The following GPR89B variants were observed in gnomAD, a reference collection of about 807,000 sequenced individuals.
GPR89B encodes golgi pH regulator B, also known as G protein-coupled receptor 89B.
A neutral mutation model predicts 52.4 loss-of-function variants in GPR89B; 25 were observed. The ratio of observed to expected loss-of-function variants is 0.48; its 90% CI spans 0.35 to 0.67. The LOEUF (loss-of-function observed/expected upper bound fraction) is 0.67. Ranked by LOEUF, GPR89B falls within the 30% of genes least tolerant of loss-of-function variation. The pLI, the probability that GPR89B is intolerant of heterozygous loss-of-function variation, is 0.01. For synonymous variants in GPR89B, 52 were observed against 151.2 expected, an observed-to-expected ratio of 0.34 and a Z score of 4.81; for missense variants, 146 against 450.2, an observed-to-expected ratio of 0.32 and a Z score of 6.11.
intron 10 of GPR89B, among the ~76,000 whole-genome samples, chr1:147,983,569 A>T: frequency 6.6e-6 from 1 of 152,114 alleles, no homozygotes; most frequent in African/African-American, 2.4e-5. Context: ...AAAAAACACA[A>T]GAAAAAATGC....
chr1:147,970,167 G>C (rs1270212523), intron 10 of GPR89B, among the ~76,000 whole-genome samples: 1 of 151,876 alleles, frequency 6.6e-6, no homozygotes, highest in Admixed American at 6.6e-5. Flanking sequence ...TTTTTCTTCT[G>C]TCAGAAATTG....
At chr1:148,016,796 C>T in the GPR89B span, among the ~76,000 whole-genome samples, 1 of 151,214 alleles carries the variant, frequency 6.6e-6, no homozygotes, top group African/African-American at 2.4e-5. Context: ...ACTCACATTA[C>T]TCATAAATTA....
intron 10 of GPR89B, among the ~76,000 whole-genome samples, chr1:147,983,570 GA>G (rs1206363279): frequency 6.6e-6 from 1 of 152,134 alleles, no homozygotes; most frequent in African/African-American, 2.4e-5. Context: ...AAAAACACAA[GA>G]AAAAATGCTC....
the GPR89B span, among the ~76,000 whole-genome samples, chr1:148,021,362 G>A: frequency 2.0e-5 from 3 of 151,952 alleles, no homozygotes; most frequent in Admixed American, 2.0e-4. Flanking sequence ...ATTACCCGGG[G>A]GTGGTGGCTG....
chr1:147,949,522 C>T (rs1464715331), intron 5 of GPR89B, among the ~76,000 whole-genome samples: 3 of 123,102 alleles, frequency 2.4e-5, no homozygotes, highest in African/African-American at 3.4e-5. Flanking sequence ...TAGGGGCGGC[C>T]GGGCAGAGGC....
chr1:147,933,806 TTC>T (rs749963282), intron 1 of GPR89B, among the ~76,000 whole-genome samples: 1 of 152,178 alleles, frequency 6.6e-6, no homozygotes. Flanking sequence ...TCTATAATGT[TTC>T]TCTTTCTACA....
At chr1:147,997,970 T>C (rs1467509457), downstream of GPR89B, among the ~76,000 whole-genome samples, 1 of 152,192 alleles carries the variant, frequency 6.6e-6, no homozygotes, top group Non-Finnish European at 1.5e-5. Flanking sequence ...CTCTCCAACA[T>C]CTTTAAATAC....
At chr1:148,013,927 C>T in the GPR89B span, among the ~76,000 whole-genome samples, 1 of 151,694 alleles carries the variant, frequency 6.6e-6, no homozygotes, top group Non-Finnish European at 1.5e-5. Context: ...AGAGGGCGCG[C>T]GGGACCCAGG....
Position 147,974,976 on chromosome 1 carries a change from T to C in GPR89B, c.909+5017T>C, listed in dbSNP as rs1286878254. 7.2e-5 allele frequency among the ~76,000 whole-genome samples: 11 copies of C among 152,094 alleles called. 2 individuals are homozygous for C. The highest frequency in any genetic ancestry group is 2.2e-4 in the African/African-American group (9 of 41,332). On this transcript the variant is annotated intron_variant, in intron 10 of 13. Transcript: ENST00000314163. ...CTGTTTATGTGATGGATTACGTTTA[T>C]TGATTCGTGTATGTTGAACCAGTGT...
At chr1:147,970,688 T>C (rs1657402799) in intron 10 of GPR89B, among the ~76,000 whole-genome samples, 1 of 151,006 alleles carries the variant, frequency 6.6e-6, no homozygotes, top group Admixed American at 6.6e-5. Flanking sequence ...TTACTTGTCC[T>C]TTTTAATTAT....
intron 10 of GPR89B, among the ~76,000 whole-genome samples, chr1:147,981,752 A>C (rs1232364067): frequency 2.0e-5 from 3 of 151,590 alleles, no homozygotes; most frequent in Admixed American, 1.3e-4. Context: ...TCCTGGGTTC[A>C]AGCGATTCTC....
the GPR89B span, among the ~76,000 whole-genome samples, chr1:148,023,440 A>G: frequency 6.9e-6 from 1 of 144,578 alleles, no homozygotes; most frequent in Non-Finnish European, 1.5e-5. Context: ...AATGATTTAC[A>G]TTCCTTTGGG....
chr1:148,006,936 C>T, the GPR89B span, among the ~76,000 whole-genome samples: 1 of 151,266 alleles, frequency 6.6e-6, no homozygotes, highest in Non-Finnish European at 1.5e-5. Context: ...AGGCTTGTCT[C>T]GAACTCCTGA....
At chr1:147,980,840 A>G (rs1357084979) in intron 10 of GPR89B, among the ~76,000 whole-genome samples, 4 of 149,118 alleles carry the variant, frequency 2.7e-5, no homozygotes, top group African/African-American at 1.0e-4. Context: ...AAAAAAAAAA[A>G]AAAAAAGAAA....
chr1:147,950,975 G>C (rs1429773526), intron 5 of GPR89B, among the ~76,000 whole-genome samples: 5 of 152,132 alleles, frequency 3.3e-5, no homozygotes, highest in African/African-American at 1.2e-4. Flanking sequence ...GAGAGGGAGA[G>C]GGAGAGGGAG....
downstream of GPR89B, chr1:147,994,231 GA>G: frequency 6.2e-7 from 1 of 1,601,716 alleles, no homozygotes; most frequent in East Asian, 2.2e-5. Context: ...CTCATTCTTT[GA>G]GAAAGGATTC....
At chr1:147,948,090 A>G (rs1221030863) in intron 5 of GPR89B, among the ~76,000 whole-genome samples, 1 of 151,900 alleles carries the variant, frequency 6.6e-6, no homozygotes, top group Middle Eastern at 3.4e-3. Flanking sequence ...ATAATTGCCA[A>G]TTGTGATCAT....
At chr1:148,004,411 C>T in the GPR89B span, among the ~76,000 whole-genome samples, 14 of 150,040 alleles carry the variant, frequency 9.3e-5, no homozygotes, top group South Asian at 2.1e-4. Flanking sequence ...GTGATCCACC[C>T]GCCTCGGCCT....
chr1:147,970,491 A>ATCTCTCTCTCTCTCTCTCTCTC (rs1174595676), intron 10 of GPR89B, among the ~76,000 whole-genome samples: 30 of 105,776 alleles, frequency 2.8e-4, no homozygotes, highest in East Asian at 9.9e-4. Flanking sequence ...GTGAGACTCC[A>ATCTCTCTCTCTCTCTCTCTCTC]TCTCTCTCTC....
Sources: allele counts gnomAD v4.1 joint callset (sites outside exome capture counted in the v4.1 genomes callset), GRCh38; gene constraint gnomAD v4.1.1; transcripts MANE v1.5; gene names NCBI Gene and HGNC (gene_info 2026-07-23, HGNC 2026-07-21).